The following ANP32A variants were observed in gnomAD, a reference collection of about 807,000 sequenced individuals.
ANP32A encodes acidic nuclear phosphoprotein 32 family member A, also known as acidic leucine-rich nuclear phosphoprotein 32 family member A.
A neutral mutation model predicts 33.9 loss-of-function variants in ANP32A; 1 was observed. The observed-to-expected ratio is 0.03, with a 90% CI of 0.01 to 0.14. ANP32A has a LOEUF of 0.14. Among genes scored for constraint, ANP32A ranks in the 10% least tolerant of loss-of-function variants. ANP32A has a pLI of 1.00. For synonymous variants in ANP32A, 115 were observed against 120.5 expected (o/e 0.95, Z 0.30); for missense variants, 155 against 306.0 (o/e 0.51, Z 3.68).
At chr15:68,805,705 A>G (rs1894210051) in intron 1 of ANP32A, among the ~76,000 whole-genome samples, 1 of 152,180 alleles carries the variant, frequency 6.6e-6, no homozygotes, top group Admixed American at 6.5e-5. Context: ...CCTAAGTTCC[A>G]GCTCATGGGG....
At chr15:68,784,294 G>T in intron 4 of ANP32A, 103 bp downstream of exon 4, 2 of 1,326,948 alleles carry the variant, frequency 1.5e-6, no homozygotes, top group Non-Finnish European at 2.1e-6. Flanking sequence ...GTAGCTGGGT[G>T]GGGGCCTCCC....
chr15:68,809,393 T>C (rs1894282804), intron 1 of ANP32A, among the ~76,000 whole-genome samples: 1 of 152,204 alleles, frequency 6.6e-6, no homozygotes, highest in African/African-American at 2.4e-5. Context: ...ATTAGAACAG[T>C]AGTCTCTTAT....
At chr15:68,784,628 G>T in intron 3 of ANP32A, 33 bp from the exon 4 acceptor site, 1 of 1,610,952 alleles carries the variant, frequency 6.2e-7, no homozygotes, top group South Asian at 1.1e-5. Flanking sequence ...AACAGTAAGT[G>T]ATTTGTGGGA....
At chr15:68,815,308 CA>C (rs1288295180) in intron 1 of ANP32A, among the ~76,000 whole-genome samples, 3 of 152,102 alleles carry the variant, frequency 2.0e-5, no homozygotes, top group African/African-American at 4.8e-5. Flanking sequence ...TATCAAGAGC[CA>C]AAATTAAGAA....
intron 3 of ANP32A, among the ~76,000 whole-genome samples, chr15:68,786,419 C>T (rs1028515068): frequency 5.9e-5 from 9 of 152,096 alleles, no homozygotes; most frequent in South Asian, 2.1e-4. Flanking sequence ...GCCACCACGC[C>T]GGGCTAATTT....
intron 3 of ANP32A, among the ~76,000 whole-genome samples, chr15:68,786,822 A>G (rs1209835686): frequency 3.9e-5 from 6 of 152,172 alleles, no homozygotes. Flanking sequence ...AATGCTACCC[A>G]GGCCCCTGAG....
At chr15:68,816,193 C>A (rs749967985) in intron 1 of ANP32A, among the ~76,000 whole-genome samples, 1 of 152,160 alleles carries the variant, frequency 6.6e-6, no homozygotes, top group Non-Finnish European at 1.5e-5. Context: ...AAAACTCATT[C>A]TCTTTCTACG....
At chr15:68,817,935 G>T (rs987541984) in intron 1 of ANP32A, among the ~76,000 whole-genome samples, 1 of 152,114 alleles carries the variant, frequency 6.6e-6, no homozygotes, top group Non-Finnish European at 1.5e-5. Flanking sequence ...CCCGGCGCCC[G>T]GCAGTCGTGC....
At chr15:68,818,872 C>G (rs532257932) in intron 1 of ANP32A, among the ~76,000 whole-genome samples, 204 of 151,776 alleles carry the variant, frequency 1.3e-3, no homozygotes, top group African/African-American at 4.8e-3. Context: ...GGCGCCGGGT[C>G]CCGGCCGGGA....
intron 1 of ANP32A, among the ~76,000 whole-genome samples, chr15:68,809,804 A>G (rs1894288651): frequency 1.3e-5 from 2 of 152,236 alleles, no homozygotes; most frequent in South Asian, 4.1e-4. Context: ...CCTTCACTCC[A>G]TCAGTACTTC....
chr15:68,793,114 T>C (rs1266817054), intron 1 of ANP32A, among the ~76,000 whole-genome samples: 2 of 152,228 alleles, frequency 1.3e-5, no homozygotes, highest in Non-Finnish European at 2.9e-5. Context: ...CATTTACTCG[T>C]GTATTAAGCA....
At chr15:68,820,455 T>C (rs559884696) in intron 1 of ANP32A, among the ~76,000 whole-genome samples, 3 of 151,794 alleles carry the variant, frequency 2.0e-5, no homozygotes, top group African/African-American at 7.2e-5. Flanking sequence ...GCACCCACAC[T>C]CGCACACGCG....
At chr15:68,788,494 C>T (rs1420351897) in intron 1 of ANP32A, among the ~76,000 whole-genome samples, 1 of 152,224 alleles carries the variant, frequency 6.6e-6, no homozygotes, top group Non-Finnish European at 1.5e-5. Flanking sequence ...GCTCTCCCAC[C>T]TCTAGCCCAG....
At position 68,816,933 on chromosome 15, in the gene ANP32A, A is replaced by G. The variant is rs190556355; in HGVS notation, c.54+3765T>C. Among the ~76,000 whole-genome samples, 5 of 152,332 alleles carry G rather than the reference A, an allele frequency of 3.3e-5. No homozygotes were observed. In the East Asian group the frequency reaches 5.8e-4, roughly 18 times the overall value. ...GGTTGGCTTGCATAAACTGTAGTTA[A>G]TATCATGCTACTTGAACCCAATTAG... On this transcript the variant is annotated intron_variant, in intron 1 of 6. Coordinates refer to ENST00000465139, the MANE Select transcript of ANP32A (RefSeq NM_006305.4).
rs998893734 is a variant in ANP32A, at chr15:68,787,610, TC to T, written c.205-76del. ...CTACCGGCTCAGAGCTGCCCGGCTT[TC>T]CCCAGACGGGCAAGAAGGGAAAGCA... On this transcript the variant is annotated intron_variant, in intron 2 of 6. Transcript: ENST00000465139. 5 of 1,606,072 alleles carry T rather than the reference TC, an allele frequency of 3.1e-6. No homozygotes were observed. The African/African-American group carries it at 5.4e-5, about 17-fold the overall frequency.
At chr15:68,792,288 C>G (rs1894007493) in intron 1 of ANP32A, 2 of 152,216 alleles carry the variant, frequency 1.3e-5, no homozygotes, top group African/African-American at 2.4e-5. Context: ...CCTAGTGGAA[C>G]TGAAATTACT....
chr15:68,782,264 C>A (rs1362951514), intron 5 of ANP32A, among the ~76,000 whole-genome samples: 2 of 152,314 alleles, frequency 1.3e-5, no homozygotes, highest in East Asian at 3.9e-4. Context: ...CAGACACTTA[C>A]CCCTTGTCAG....
At chr15:68,794,757 GA>G (rs1344799472) in intron 1 of ANP32A, among the ~76,000 whole-genome samples, 1 of 147,612 alleles carries the variant, frequency 6.8e-6, no homozygotes, top group Non-Finnish European at 1.5e-5. Flanking sequence ...CCATGTTGGG[GA>G]AAAGTGAAAG....
At chr15:68,811,111 T>C (rs1023709571) in intron 1 of ANP32A, among the ~76,000 whole-genome samples, 8 of 141,028 alleles carry the variant, frequency 5.7e-5, no homozygotes, top group Non-Finnish European at 9.3e-5. Flanking sequence ...TGAGACATCA[T>C]GCAAGATAAG....
Sources: gnomAD v4.1 joint callset for allele counts (sites outside exome capture counted in the v4.1 genomes callset) on GRCh38, gnomAD v4.1.1 for gene constraint, MANE v1.5 for transcripts, NCBI Gene and HGNC (gene_info 2026-07-23, HGNC 2026-07-21) for gene names.